Variants in BLM observed in about 807,000 individuals in gnomAD.
BLM encodes the protein recQ-like DNA helicase BLM.
A neutral mutation model predicts 135.3 loss-of-function variants in BLM; 95 were observed. The ratio of observed to expected loss-of-function variants is 0.70; its 90% confidence interval spans 0.59 to 0.83. The LOEUF (loss-of-function observed/expected upper bound fraction) is 0.83, where lower values mean the gene tolerates loss of function less well. Among genes scored for constraint, BLM ranks in the 40% least tolerant of loss-of-function variants. BLM has a pLI of 0.00. For synonymous variants in BLM, 520 were observed against 589.2 expected (o/e 0.88, Z 1.70); for missense variants, 1,518 against 1,663.9 (o/e 0.91, Z 1.53).
At chr15:90,754,972 C>A in intron 5 of BLM, 34 bp downstream of exon 5, 1 of 1,611,080 alleles carries the variant, frequency 6.2e-7, no homozygotes, top group South Asian at 1.1e-5. Context: ...CCATGTATTT[C>A]AACTACTTAC....
chr15:90,814,329 G>C (rs986122525), intron 21 of BLM, among the ~76,000 whole-genome samples: 1 of 152,216 alleles, frequency 6.6e-6, no homozygotes, highest in Non-Finnish European at 1.5e-5. Flanking sequence ...TAAACATGCC[G>C]GCCCCATGGT....
intron 19 of BLM, among the ~76,000 whole-genome samples, chr15:90,807,882 T>C (rs1897318263): frequency 6.6e-6 from 1 of 152,196 alleles, no homozygotes; most frequent in South Asian, 2.1e-4. Flanking sequence ...CTGACAGTAC[T>C]AATAGCTATG....
intron 1 of BLM, among the ~76,000 whole-genome samples, chr15:90,724,270 C>T (rs1262048775): frequency 1.3e-5 from 2 of 152,156 alleles, no homozygotes; most frequent in Non-Finnish European, 2.9e-5. Flanking sequence ...GCCTTGGCCT[C>T]CCAAAGTGCT....
intron 19 of BLM, among the ~76,000 whole-genome samples, chr15:90,804,762 C>A (rs1422752045): frequency 6.6e-6 from 1 of 152,130 alleles, no homozygotes; most frequent in African/African-American, 2.4e-5. Context: ...AGCCACTGAG[C>A]CTGGCCTCAG....
intron 1 of BLM, among the ~76,000 whole-genome samples, chr15:90,734,287 T>C (rs1215050261): frequency 6.6e-6 from 1 of 151,844 alleles, no homozygotes; most frequent in East Asian, 1.9e-4. Flanking sequence ...TTGTAATCAA[T>C]ACTTCTTTTT....
At chr15:90,783,405 A>G (rs1226353620) in intron 13 of BLM, among the ~76,000 whole-genome samples, 1 of 152,146 alleles carries the variant, frequency 6.6e-6, no homozygotes, top group Admixed American at 6.5e-5. Context: ...TGGACAAATC[A>G]GTCAGTAGAG....
intron 1 of BLM, among the ~76,000 whole-genome samples, chr15:90,735,236 A>AATATATATAT (rs60589046): frequency 0.012 from 1,301 of 107,946 alleles, 11 homozygotes; most frequent in African/African-American, 0.019. Context: ...TGCCTAAGTT[A>AATATATATAT]ATATATATAT....
chr15:90,754,864 C>A lies in BLM; in HGVS notation c.1013C>A (p.Ser338Ter). 6.2e-7 allele frequency: 1 copy of A among 1,613,844 alleles called. No homozygotes were observed. Among genetic ancestry groups the A allele is most frequent in the Non-Finnish European group, 8.5e-7 (1 of 1,179,908 alleles). Residue 338 changes from serine to a stop codon, truncating the protein, a stop_gained, in exon 5 of 22, where the codon TCA becomes TAA. Coordinates refer to ENST00000355112, the MANE Select transcript of BLM (RefSeq NM_000057.4). LOFTEE classifies it high-confidence loss of function. ...AGAAAAGAGGATGTTCTTAGCACAT[C>A]AAAAGATCTTTTGTCAAAACCTGAG... is the stretch of plus-strand genomic sequence containing the variant. ...SDRKEDVLST[S>*]KDLLSKPEKM... is the part of the protein sequence containing the mutation.
intron 20 of BLM, among the ~76,000 whole-genome samples, 196 bp from the exon 21 acceptor site, chr15:90,811,009 T>A (rs558638840): frequency 6.6e-6 from 1 of 152,314 alleles, no homozygotes; most frequent in South Asian, 2.1e-4. Flanking sequence ...TTGTTAAAAA[T>A]GAATTGCCAT....
chr15:90,797,286 G>A (rs62025121), intron 16 of BLM, among the ~76,000 whole-genome samples: 1 of 151,784 alleles, frequency 6.6e-6, no homozygotes, highest in Non-Finnish European at 1.5e-5. Flanking sequence ...CATGGTGGCA[G>A]GTGCCTGTAA....
chr15:90,749,447 T>A lies in BLM; in HGVS notation c.179T>A (p.Leu60Ter). 2 of 1,612,288 alleles carry A rather than the reference T, an allele frequency of 1.2e-6. No individual in the cohort carries two copies. The highest frequency in any genetic ancestry group is 8.5e-7 in the Non-Finnish European group (1 of 1,178,372). Residue 60 changes from leucine to a stop codon, truncating the protein, a stop_gained, in exon 3 of 22, where the codon TTA becomes TAA. Coordinates refer to ENST00000355112, the MANE Select transcript of BLM (RefSeq NM_000057.4). LOFTEE classifies it high-confidence loss of function. ...GTGTCAGTAGCAAAAACACCTGTATTAAGAAATAAAGATGTTAATGTTACC... is the reference window on the plus strand; with the variant it reads ...GTGTCAGTAGCAAAAACACCTGTATAAAGAAATAAAGATGTTAATGTTACC... ...TNVSVAKTPV[L>*]RNKDVNVTED...
At chr15:90,814,057 C>T (rs1199092597) in intron 21 of BLM, among the ~76,000 whole-genome samples, 1 of 152,208 alleles carries the variant, frequency 6.6e-6, no homozygotes, top group Admixed American at 6.5e-5. Flanking sequence ...AGGAAATCAG[C>T]ATAGGGAAAC....
chr15:90,765,282 T>G lies in BLM; in HGVS notation c.2075-14T>G. 1 of 1,556,732 alleles carries G rather than the reference T, an allele frequency of 6.4e-7. No individual in the cohort carries two copies. Among genetic ancestry groups the G allele is most frequent in the Non-Finnish European group, 8.9e-7 (1 of 1,127,898 alleles). ...ACAGAACCTGACAGATATTTTTTCATTGTTCTCTTTCAGGAGGTGGTAAGA... is the reference window on the plus strand; with the variant it reads ...ACAGAACCTGACAGATATTTTTTCAGTGTTCTCTTTCAGGAGGTGGTAAGA... On this transcript the variant is annotated splice_polypyrimidine_tract_variant and intron_variant, in intron 8 of 21. Coordinates refer to ENST00000355112, the MANE Select transcript of BLM (RefSeq NM_000057.4).
chr15:90,734,614 C>T (rs1052477223), intron 1 of BLM, among the ~76,000 whole-genome samples: 4 of 149,404 alleles, frequency 2.7e-5, no homozygotes, highest in African/African-American at 7.3e-5. Context: ...TGATGGTATT[C>T]TCTCTCTCTC....
chr15:90,750,562 C>T (rs55975568), intron 3 of BLM, among the ~76,000 whole-genome samples: 3 of 152,234 alleles, frequency 2.0e-5, no homozygotes, highest in Admixed American at 6.5e-5. Context: ...TGAAACTGAA[C>T]ACTTATGAAT....
chr15:90,804,077 C>A, intron 18 of BLM, 90 bp from the exon 19 acceptor site: 1 of 1,253,608 alleles, frequency 8.0e-7, no homozygotes, highest in Non-Finnish European at 1.1e-6. Context: ...GAATTGCCCC[C>A]CAAAAATGCA....
rs192015207 is a variant in BLM at position 90,770,758 on chromosome 15, G to A, written c.2555+1172G>A. 8.5e-5 allele frequency among the ~76,000 whole-genome samples: 13 copies of A among 152,340 alleles called. No homozygotes were observed. In the East Asian group the frequency reaches 2.1e-3, roughly 25 times the overall value. On this transcript the variant is annotated intron_variant, in intron 12 of 21. Coordinates refer to ENST00000355112, the MANE Select transcript of BLM (RefSeq NM_000057.4). ...TTCATTTGAAAATAAAGACAAGCTG[G>A]TGCTATAAATATTATAAGCAGTAAG...
chr15:90,781,784 G>A (rs1027206956), intron 12 of BLM, among the ~76,000 whole-genome samples: 3 of 152,148 alleles, frequency 2.0e-5, no homozygotes, highest in Admixed American at 1.3e-4. Context: ...GGTTGGATGA[G>A]CTTGAGTACC....
intron 10 of BLM, among the ~76,000 whole-genome samples, chr15:90,768,862 G>T (rs1326956486): frequency 6.6e-6 from 1 of 152,124 alleles, no homozygotes; most frequent in African/African-American, 2.4e-5. Flanking sequence ...GAGTAGCTGG[G>T]ATTACAGGCA....
Sources: gnomAD v4.1 joint callset for allele counts (sites outside exome capture counted in the v4.1 genomes callset) on GRCh38, gnomAD v4.1.1 for gene constraint, MANE v1.5 for transcripts, NCBI Gene and HGNC (gene_info 2026-07-23, HGNC 2026-07-21) for gene names.